PUS10: variants seen among roughly 807,000 people sequenced by gnomAD.
The protein encoded by PUS10 is tRNA pseudouridine synthase Pus10.
PUS10 carries 59 observed loss-of-function variants against 75.0 expected under a neutral mutation model. The observed-to-expected ratio is 0.79, with a 90% confidence interval of 0.64 to 0.98. The LOEUF (loss-of-function observed/expected upper bound fraction) is 0.98. Ranked by LOEUF, PUS10 falls within the 50% of genes least tolerant of loss-of-function variation. The pLI is 0.00. For synonymous variants in PUS10, 219 were observed against 211.6 expected (o/e 1.03, Z -0.30); for missense variants, 650 against 614.4 (o/e 1.06, Z -0.61).
At chr2:60,974,220 T>C (rs544250896) in intron 4 of PUS10, among the ~76,000 whole-genome samples, 26 of 148,660 alleles carry the variant, frequency 1.7e-4, no homozygotes, top group Admixed American at 1.0e-3. Context: ...CCTTTTTTTT[T>C]TTTTTTTTTT....
intron 4 of PUS10, among the ~76,000 whole-genome samples, chr2:61,003,461 C>CA (rs1315443074): frequency 6.4e-3 from 454 of 70,950 alleles, no homozygotes; most frequent in Middle Eastern, 0.011. Flanking sequence ...GACCCTGTCT[C>CA]AAAAAAAAAA....
intron 12 of PUS10, among the ~76,000 whole-genome samples, chr2:60,954,633 T>C (rs949614872): frequency 1.3e-5 from 2 of 152,230 alleles, no homozygotes; most frequent in Non-Finnish European, 2.9e-5. Flanking sequence ...ATGAGAGACA[T>C]GAAGGTTAAG....
At chr2:61,010,768 C>A in intron 2 of PUS10, 1 of 1,549,394 alleles carries the variant, frequency 6.5e-7, no homozygotes, top group Non-Finnish European at 8.7e-7. Context: ...AAATCCATGT[C>A]TTCTAGTTCC....
intron 4 of PUS10, among the ~76,000 whole-genome samples, chr2:60,977,322 T>C (rs1677094730): frequency 6.6e-6 from 1 of 152,012 alleles, no homozygotes; most frequent in Non-Finnish European, 1.5e-5. Context: ...GTTGGACACT[T>C]TGGGGTATGT....
chr2:61,005,867 T>C (rs1044477643), intron 4 of PUS10, among the ~76,000 whole-genome samples: 7 of 152,228 alleles, frequency 4.6e-5, no homozygotes, highest in Admixed American at 6.5e-5. Context: ...TATGATGTAA[T>C]GTTCTGGTGA....
chr2:61,007,326 G>A (rs913937877), intron 3 of PUS10, among the ~76,000 whole-genome samples: 2 of 152,078 alleles, frequency 1.3e-5, no homozygotes, highest in Non-Finnish European at 2.9e-5. Flanking sequence ...CCTGGGCATG[G>A]TGGCGTGCAC....
At chr2:60,983,095 G>A (rs959376236) in intron 4 of PUS10, among the ~76,000 whole-genome samples, 5 of 152,180 alleles carry the variant, frequency 3.3e-5, no homozygotes, top group Admixed American at 3.3e-4. Context: ...GTCTCACTAC[G>A]TTGACCATGC....
intron 5 of PUS10, among the ~76,000 whole-genome samples, chr2:60,970,046 T>C (rs1226687148): frequency 6.6e-6 from 1 of 151,928 alleles, no homozygotes; most frequent in African/African-American, 2.4e-5. Flanking sequence ...TAGCCGAGAT[T>C]GCACCACTGC....
intron 4 of PUS10, among the ~76,000 whole-genome samples, chr2:60,999,511 C>T (rs1456552711): frequency 6.6e-6 from 1 of 152,070 alleles, no homozygotes; most frequent in Non-Finnish European, 1.5e-5. Context: ...CCCAGTTACT[C>T]AGGAAGGTGA....
In PUS10 at chr2:60,971,322, C is replaced by T. The variant is rs532310350; in HGVS notation, c.503+201G>A. The stretch of plus-strand genomic sequence containing the variant: ...CAAAAAATGAACCTGCTTTAATAAA[C>T]TACTAATATGCTATGCAAATAAACT... On this transcript the variant is annotated intron_variant, in intron 5 of 17. Coordinates refer to ENST00000316752, the MANE Select transcript of PUS10 (RefSeq NM_144709.4). Among the ~76,000 whole-genome samples the T allele has an allele frequency of 2.6e-5, 4 of 152,146 alleles. No individual in the cohort carries two copies. The South Asian group carries it at 8.3e-4, about 32-fold the overall frequency.
intron 8 of PUS10, among the ~76,000 whole-genome samples, chr2:60,964,724 G>A (rs1022128963): frequency 2.0e-5 from 3 of 152,180 alleles, no homozygotes; most frequent in Non-Finnish European, 2.9e-5. Context: ...GATTTTCTCA[G>A]ATGATGTAAT....
At chr2:60,962,083 A>G (rs1676059552) in intron 9 of PUS10, among the ~76,000 whole-genome samples, 1 of 152,236 alleles carries the variant, frequency 6.6e-6, no homozygotes, top group South Asian at 2.1e-4. Context: ...TATTTTAACA[A>G]GTGAGGAAAC....
chr2:60,962,725 T>C, intron 9 of PUS10, 101 bp downstream of exon 9: 4 of 1,469,780 alleles, frequency 2.7e-6, no homozygotes, highest in Non-Finnish European at 3.6e-6. Context: ...TCCTGGCCCC[T>C]GAAATACATC....
In PUS10 at chr2:60,941,636, C is replaced by G. The variant is rs1045806118; in HGVS notation, c.*759G>C. On this transcript the variant is annotated 3_prime_UTR_variant, in exon 18 of 18. Transcript: ENST00000316752. ...TTTAGCAATCTCAATTTTTCAAATT[C>G]TTAACCCTGGGATTGAAGTTATTAA... The G allele has an allele frequency of 3.9e-5, 6 of 152,200 alleles. No homozygotes were observed. The highest frequency in any genetic ancestry group is 1.4e-4 in the African/African-American group (6 of 41,434). The allele number at this position is 152,200 out of a possible 1,614,324, so 9.4% of individuals were successfully genotyped here. A position where few individuals can be genotyped will look rare whatever the true frequency, so the allele number is the denominator to read the frequency against.
intron 2 of PUS10, among the ~76,000 whole-genome samples, chr2:61,011,217 TA>T (rs1679576277): frequency 6.6e-6 from 1 of 152,196 alleles, no homozygotes; most frequent in African/African-American, 2.4e-5. Flanking sequence ...AAAAAAGTGT[TA>T]TATTAAACCT....
At chr2:61,011,741 A>G in intron 2 of PUS10, 24 bp downstream of exon 2, 2 of 1,492,382 alleles carry the variant, frequency 1.3e-6, no homozygotes, top group Non-Finnish European at 8.9e-7. Flanking sequence ...AATTTGAAAA[A>G]AAAAAAAAAA....
rs774535452 is a variant in PUS10, at chr2:61,008,760, C to T, written c.381+1G>A. ...CCTATAATGAAAAACAGGTTATTTA[C>T]CTTTTTAATGAAATCTTTCTCACAG... is the stretch of plus-strand genomic sequence containing the variant. On this transcript the variant is annotated splice_donor_variant, in intron 3 of 17. Transcript: ENST00000316752. LOFTEE classifies it high-confidence loss of function. 1 of 1,564,654 alleles carries T rather than the reference C, an allele frequency of 6.4e-7. No individual in the cohort carries two copies.
intron 6 of PUS10, chr2:60,966,481 T>A (rs1450454472): frequency 6.6e-6 from 1 of 152,270 alleles, no homozygotes; most frequent in East Asian, 1.9e-4. Flanking sequence ...ATAATTAAAA[T>A]GAACAACGCA....
chr2:60,985,442 T>C (rs1280284963), intron 4 of PUS10, among the ~76,000 whole-genome samples: 2 of 152,186 alleles, frequency 1.3e-5, no homozygotes, highest in Non-Finnish European at 2.9e-5. Flanking sequence ...TTGAAAAATT[T>C]ATAGGTTTTT....
Sources: gnomAD v4.1 joint callset for allele counts (sites outside exome capture counted in the v4.1 genomes callset) on GRCh38, gnomAD v4.1.1 for gene constraint, MANE v1.5 for transcripts, NCBI Gene and HGNC (gene_info 2026-07-23, HGNC 2026-07-21) for gene names.